Variants in ZNF180 observed in about 807,000 individuals in gnomAD.
ZNF180 encodes the protein zinc finger protein 180 (HHZ168).
In ZNF180, 11 loss-of-function variants were observed where a neutral mutation model predicts 11.8. The observed-to-expected ratio is 0.93, with a 90% CI of 0.59 to 1.55. The LOEUF is 1.55. ZNF180 is among the 40% of genes most tolerant of loss of function. ZNF180 has a pLI of 0.00. For missense variants in ZNF180, 773 were observed against 781.7 expected, an observed-to-expected ratio of 0.99 and a Z score of 0.13; for synonymous variants, 287 against 257.7, an observed-to-expected ratio of 1.11 and a Z score of -1.09.
Position 44,476,142 on chromosome 19 carries a change from C to T in ZNF180, c.*260G>A. ...TGAGTGCTTTCTGCAAGGAAAAGTG[C>T]CAGTATTTATTATTTTCATAGGAAT... On this transcript the variant is annotated 3_prime_UTR_variant, in exon 5 of 5. Transcript: ENST00000592529. The T allele has an allele frequency of 2.1e-5, 7 of 331,490 alleles. No individual in the cohort carries two copies. Among genetic ancestry groups the T allele is most frequent in the Non-Finnish European group, 3.3e-5 (6 of 183,548 alleles). The allele number at this position is 331,490 out of a possible 1,614,324, so 20.5% of individuals were successfully genotyped here.
In ZNF180 at chr19:44,497,284, C is replaced by G. The variant is rs762734831; in HGVS notation, c.51G>C (p.Gln17His). ...ACCCAAGCTCTGGGTCTCCACTCAC[C>G]TGTGCACAGACCTTCGGGGGCTCTG... ...KPPEPPKVCA[Q>H]DSFLPQEIII... The change falls in exon 2 of 5, where the codon CAG (glutamine) becomes CAC (histidine). Residue 17 changes from glutamine to histidine, a missense_variant and splice_region_variant. Coordinates refer to ENST00000592529, the MANE Select transcript of ZNF180 (RefSeq NM_001278509.3). 3 of 1,586,502 alleles carry G rather than the reference C, an allele frequency of 1.9e-6. No individual in the cohort carries two copies. The South Asian group carries it at 3.4e-5, about 18-fold the overall frequency.
intron 3 of ZNF180, among the ~76,000 whole-genome samples, chr19:44,481,296 C>T (rs1274717154): frequency 6.6e-6 from 1 of 152,132 alleles, no homozygotes; most frequent in Non-Finnish European, 1.5e-5. Context: ...CAAAATACTG[C>T]TGTATATGCC....
In ZNF180 at chr19:44,497,376, C is replaced by T; in HGVS notation, c.-42G>A. 1.9e-6 allele frequency: 3 copies of T among 1,592,386 alleles called. No individual in the cohort carries two copies. Among genetic ancestry groups the T allele is most frequent in the Non-Finnish European group, 2.6e-6 (3 of 1,173,350 alleles). Reference sequence around the variant, plus strand: ...AGCAGGGTGCTGAGGTCCTGAGCTGCACTGAGAGAAGCCCCAAGTACAGCA... The same window carrying T: ...AGCAGGGTGCTGAGGTCCTGAGCTGTACTGAGAGAAGCCCCAAGTACAGCA... On this transcript the variant is annotated splice_region_variant and 5_prime_UTR_variant, in exon 2 of 5. Coordinates refer to ENST00000592529, the MANE Select transcript of ZNF180 (RefSeq NM_001278509.3).
In ZNF180 at chr19:44,477,149, C is replaced by T. The variant is rs543634768; in HGVS notation, c.1251G>A (p.Lys417=). ...EKPYECNQCG[K]SFRQSYKLIA... is the part of the protein sequence containing the mutation. ...TAAGTTTATAGCTCTGCCTGAATGA[C>T]TTTCCACACTGATTGCATTCATAAG... The change falls in exon 5 of 5, where the codon AAG becomes AAA. Residue 417 remains lysine (K), a synonymous_variant. Coordinates refer to ENST00000592529, the MANE Select transcript of ZNF180 (RefSeq NM_001278509.3). The T allele has an allele frequency of 1.2e-5, 20 of 1,613,070 alleles. No homozygotes were observed. The highest frequency in any genetic ancestry group is 1.2e-4 in the South Asian group (11 of 91,042).
At position 44,477,926 on chromosome 19, in the gene ZNF180, A is replaced by G. The variant is rs1381743789; in HGVS notation, c.474T>C (p.Ile158=). The G allele has an allele frequency of 6.2e-7, 1 of 1,613,902 alleles. No individual in the cohort carries two copies. Residue 158 remains isoleucine (I), a synonymous_variant, in exon 5 of 5, where the codon ATT becomes ATC. Coordinates refer to ENST00000592529, the MANE Select transcript of ZNF180 (RefSeq NM_001278509.3). ...EVAFTQRKAV[I]HERVCKSDET... ...CATCACTTTTGCAGACTCTCTCATGAATAACTGCTTTCCTTTGAGTGAATG... is the reference window on the plus strand; with the variant it reads ...CATCACTTTTGCAGACTCTCTCATGGATAACTGCTTTCCTTTGAGTGAATG...
rs1969859158 is a variant in ZNF180 at position 44,476,114 on chromosome 19, G to A, written c.*288C>T. ...TGGCATATGATTTTCTCTGATTCAG[G>A]TCTGAGTGCTTTCTGCAAGGAAAAG... is the stretch of plus-strand genomic sequence containing the variant. On this transcript the variant is annotated 3_prime_UTR_variant, in exon 5 of 5. Coordinates refer to ENST00000592529, the MANE Select transcript of ZNF180 (RefSeq NM_001278509.3). The A allele has an allele frequency of 3.6e-6, 1 of 276,954 alleles. No homozygotes were observed. Among genetic ancestry groups the A allele is most frequent in the Non-Finnish European group, 6.7e-6 (1 of 148,482 alleles). 17.2% of individuals were successfully genotyped at this position (276,954 alleles called of 1,614,324 possible).
intron 1 of ZNF180, among the ~76,000 whole-genome samples, chr19:44,499,650 G>C (rs1970686653): frequency 6.6e-6 from 1 of 152,144 alleles, no homozygotes; most frequent in African/African-American, 2.4e-5. Flanking sequence ...CCTTCAGCCT[G>C]GGAGTTTGCT....
intron 3 of ZNF180, among the ~76,000 whole-genome samples, chr19:44,480,177 G>A (rs974306926): frequency 3.9e-5 from 6 of 152,100 alleles, no homozygotes; most frequent in Non-Finnish European, 5.9e-5. Flanking sequence ...CACAATCATG[G>A]CTCACTGCAG....
At chr19:44,494,861 C>T (rs1970538608) in intron 2 of ZNF180, among the ~76,000 whole-genome samples, 1 of 152,170 alleles carries the variant, frequency 6.6e-6, no homozygotes, top group Non-Finnish European at 1.5e-5. Flanking sequence ...GAGCCATTAA[C>T]AATAAACCCA....
intron 3 of ZNF180, among the ~76,000 whole-genome samples, chr19:44,484,056 G>A (rs548853498): frequency 6.0e-5 from 9 of 149,468 alleles, no homozygotes; most frequent in Non-Finnish European, 8.9e-5. Context: ...GTGCAGTGGC[G>A]CAATCTCGGC....
chr19:44,474,703 GCA>G lies in ZNF180; in HGVS notation c.*1697_*1698del, dbSNP rs926706145. ...GTCTTAGGAAAAGACCATTGCAGGG[GCA>G]CAGTCTTTCAACCCCACTGGCCATG... is the stretch of plus-strand genomic sequence containing the variant. On this transcript the variant is annotated 3_prime_UTR_variant, in exon 5 of 5. Coordinates refer to ENST00000592529, the MANE Select transcript of ZNF180 (RefSeq NM_001278509.3). The G allele has an allele frequency of 1.3e-5, 2 of 152,194 alleles. No individual in the cohort carries two copies. Among genetic ancestry groups the G allele is most frequent in the African/African-American group, 2.4e-5 (1 of 41,444 alleles). 9.4% of individuals were successfully genotyped at this position (152,194 alleles called of 1,614,324 possible).
chr19:44,479,337 T>C lies in ZNF180; in HGVS notation c.199A>G (p.Arg67Gly). ...EEQGTCNPAQRTLDRDVILEN... is the reference protein window; with the variant it reads ...EEQGTCNPAQGTLDRDVILEN... Reference sequence around the variant, plus strand: ...AGGATCACATCTCTGTCCAGGGTCCTCTGAGCAGGGTTGCAAGTACCCTGT... The same window carrying C: ...AGGATCACATCTCTGTCCAGGGTCCCCTGAGCAGGGTTGCAAGTACCCTGT... Residue 67 changes from arginine (R) to glycine (G), a missense_variant, in exon 4 of 5, where the codon AGG becomes GGG. Physicochemically the swap from Arg to Gly is moderately radical, Grantham distance 125. Coordinates refer to ENST00000592529, the MANE Select transcript of ZNF180 (RefSeq NM_001278509.3). The C allele has an allele frequency of 6.2e-7, 1 of 1,614,062 alleles. No individual in the cohort carries two copies. Among genetic ancestry groups the C allele is most frequent in the Non-Finnish European group, 8.5e-7 (1 of 1,179,946 alleles).
In ZNF180 at chr19:44,484,580, G is replaced by A. The variant is rs372119414; in HGVS notation, c.52-145C>T. 8 of 661,694 alleles carry A rather than the reference G, an allele frequency of 1.2e-5. No homozygotes were observed. In the African/African-American group the frequency reaches 1.4e-4, roughly 12 times the overall value. 41.0% of individuals were successfully genotyped at this position (661,694 alleles called of 1,614,324 possible). A position where few individuals can be genotyped will look rare whatever the true frequency, so the allele number is the denominator to read the frequency against. On this transcript the variant is annotated intron_variant, in intron 2 of 4. Coordinates refer to ENST00000592529, the MANE Select transcript of ZNF180 (RefSeq NM_001278509.3). ...ACCATATTTCTCCTCCCTCCTCCTA[G>A]TGGTAAGCTCCGCTAACCATGTGGA...
At chr19:44,478,364 C>T (rs933759328) in intron 4 of ZNF180, among the ~76,000 whole-genome samples, 1 of 152,174 alleles carries the variant, frequency 6.6e-6, no homozygotes, top group African/African-American at 2.4e-5. Context: ...CTATTGTAAT[C>T]TTGGTTTAAT....
rs1486708768 is a variant in ZNF180 at position 44,474,820 on chromosome 19, A to C, written c.*1582T>G. On this transcript the variant is annotated 3_prime_UTR_variant, in exon 5 of 5. Transcript: ENST00000592529. The stretch of plus-strand genomic sequence containing the variant: ...TTGAGGGTTCTTCAAAGTGTGGGTC[A>C]GTGGTCCCCAAGGGATGCCCGCAGC... 6.6e-6 allele frequency: 1 copy of C among 152,188 alleles called. No homozygotes were observed. The highest frequency in any genetic ancestry group is 1.5e-5 in the Non-Finnish European group (1 of 68,048). 9.4% of individuals were successfully genotyped at this position (152,188 alleles called of 1,614,324 possible).
intron 1 of ZNF180, 156 bp downstream of exon 1, chr19:44,500,119 A>C (rs1437887472): frequency 6.3e-7 from 1 of 1,598,258 alleles, no homozygotes; most frequent in African/African-American, 1.3e-5. Context: ...ATACAGCTGT[A>C]TCAGTAACTC....
intron 2 of ZNF180, among the ~76,000 whole-genome samples, chr19:44,490,815 C>T (rs1970431765): frequency 6.6e-6 from 1 of 152,186 alleles, no homozygotes; most frequent in Non-Finnish European, 1.5e-5. Flanking sequence ...CTCTTGAATG[C>T]AAACTGTTTT....
At chr19:44,496,925 C>T (rs1003661921) in intron 2 of ZNF180, among the ~76,000 whole-genome samples, 1 of 152,094 alleles carries the variant, frequency 6.6e-6, no homozygotes. Context: ...TCAATGGCTA[C>T]AGTGTATTCT....
In ZNF180 at chr19:44,477,847, G is replaced by C; in HGVS notation, c.553C>G (p.Pro185Ala). The C allele has an allele frequency of 6.2e-7, 1 of 1,613,868 alleles. No individual in the cohort carries two copies. Among genetic ancestry groups the C allele is most frequent in the Non-Finnish European group, 8.5e-7 (1 of 1,179,980 alleles). ...TGTTTATGAAAATGGTTTCTTATGG[G>C]TATAACTGGGGATGAAAATAGACTG... The part of the protein sequence containing the change: ...NSSLFSSPVI[P>A]IRNHFHKHVS... Residue 185 changes from proline to alanine, a missense_variant, in exon 5 of 5, where the codon CCC becomes GCC. Coordinates refer to ENST00000592529, the MANE Select transcript of ZNF180 (RefSeq NM_001278509.3).
Sources: gnomAD v4.1 joint callset for allele counts (sites outside exome capture counted in the v4.1 genomes callset) on GRCh38, gnomAD v4.1.1 for gene constraint, MANE v1.5 for transcripts, NCBI Gene and HGNC (gene_info 2026-07-23, HGNC 2026-07-21) for gene names.